Variants in RYR2 observed in about 807,000 individuals in gnomAD.
The protein encoded by RYR2 is cardiac muscle ryanodine receptor-calcium release channel.
RYR2 carries 227 observed loss-of-function variants against 601.1 expected under a neutral mutation model. That is an observed-to-expected ratio of 0.38 (90% CI 0.34 to 0.42). RYR2 has a LOEUF of 0.42. RYR2 is among the 10% of genes least tolerant of loss of function. The probability of loss-of-function intolerance (pLI) is 1.00; values close to 1 mark genes in which losing one functional copy is unlikely to be tolerated. For synonymous variants in RYR2, 2,223 were observed against 2,175.1 expected (o/e 1.02, Z -0.61); for missense variants, 4,646 against 6,156.5 (o/e 0.75, Z 8.21).
chr1:237,159,548 G>A (rs987037923), intron 1 of RYR2, among the ~76,000 whole-genome samples: 7 of 151,016 alleles, frequency 4.6e-5, no homozygotes, highest in Non-Finnish European at 7.4e-5. Context: ...AACTCAGGCC[G>A]GGCACAGATT....
At chr1:237,641,079 C>A in intron 47 of RYR2, 77 bp downstream of exon 47, 2 of 959,634 alleles carry the variant, frequency 2.1e-6, no homozygotes, top group Non-Finnish European at 1.5e-6. Flanking sequence ...AAGAGCATAA[C>A]AGCATCCAAA....
chr1:237,465,176 T>G (rs1478051040), intron 16 of RYR2, among the ~76,000 whole-genome samples: 27 of 152,078 alleles, frequency 1.8e-4, no homozygotes, highest in Admixed American at 1.8e-3. Context: ...TCATTAGAAA[T>G]GTATATATTT....
chr1:237,231,981 C>A (rs1363591425), intron 1 of RYR2, among the ~76,000 whole-genome samples: 4 of 152,158 alleles, frequency 2.6e-5, no homozygotes, highest in Admixed American at 2.6e-4. Flanking sequence ...CCACTACTGA[C>A]CCAGTATTCT....
intron 27 of RYR2, among the ~76,000 whole-genome samples, chr1:237,557,495 G>A (rs1671024622): frequency 6.6e-6 from 1 of 151,966 alleles, no homozygotes; most frequent in African/African-American, 2.4e-5. Flanking sequence ...AGCTTTGTAC[G>A]ACCAGATGTA....
intron 14 of RYR2, among the ~76,000 whole-genome samples, chr1:237,453,818 T>C (rs991157788): frequency 2.0e-5 from 3 of 152,150 alleles, no homozygotes; most frequent in African/African-American, 7.2e-5. Flanking sequence ...GGCTAGAAAA[T>C]ACTTCATGAT....
chr1:237,480,061 G>A (rs117628294), intron 17 of RYR2, among the ~76,000 whole-genome samples: 1,743 of 152,194 alleles, frequency 0.011, 26 homozygotes, highest in East Asian at 0.088. Flanking sequence ...TGTACTCAGC[G>A]ATGCATGAAT....
chr1:237,178,416 C>CTGTG (rs201867544), intron 1 of RYR2, among the ~76,000 whole-genome samples: 1,395 of 129,744 alleles, frequency 0.011, 6 homozygotes, highest in East Asian at 0.037. Context: ...AGTTAAGGCT[C>CTGTG]TGTGTGTGTG....
rs781218991 is a variant in RYR2 at position 237,784,563 on chromosome 1, T to C, written c.12851T>C (p.Phe4284Ser). 1 of 1,613,886 alleles carries C rather than the reference T, an allele frequency of 6.2e-7. No individual in the cohort carries two copies. The highest frequency in any genetic ancestry group is 1.1e-5 in the South Asian group (1 of 91,070). The change falls in exon 90 of 105, where the codon TTT becomes TCT. Residue 4284 changes from phenylalanine (F) to serine (S), a missense_variant. Transcript: ENST00000366574. This position sits in a 1 kb window ranked among gnomAD's most constrained non-coding sequence, Gnocchi z 7.1. Reference protein sequence around the residue: ...MTVKDMVTAFFSSYWSIFMTL... With the variant: ...MTVKDMVTAFSSSYWSIFMTL... ...GTGAAGGACATGGTCACGGCCTTCT[T>C]TTCATCCTACTGGAGTATTTTCATG...
At chr1:237,798,266 T>C in intron 97 of RYR2, 96 bp downstream of exon 97, 1 of 1,165,996 alleles carries the variant, frequency 8.6e-7, no homozygotes, top group Non-Finnish European at 1.2e-6. Context: ...TTTCCTTCAA[T>C]GTCAGAAGAA....
At chr1:237,331,011 G>A (rs1339494155) in intron 3 of RYR2, 29 bp downstream of exon 3, 6 of 1,530,044 alleles carry the variant, frequency 3.9e-6, no homozygotes, top group Non-Finnish European at 4.5e-6. Context: ...TAGACTTGTA[G>A]TATTTTAATG....
intron 92 of RYR2, 104 bp downstream of exon 92, chr1:237,788,239 A>G (rs1276430592): frequency 1.2e-6 from 1 of 836,398 alleles, no homozygotes; most frequent in Non-Finnish European, 1.9e-6. Flanking sequence ...CAGTTAGGGA[A>G]CCAGGTTAGT....
At chr1:237,276,721 T>G (rs879169442) in intron 2 of RYR2, among the ~76,000 whole-genome samples, 3 of 152,118 alleles carry the variant, frequency 2.0e-5, no homozygotes, top group Non-Finnish European at 4.4e-5. Context: ...CAAGTGAACT[T>G]TAAAATCTTC....
At chr1:237,356,651 G>A (rs906160091) in intron 4 of RYR2, among the ~76,000 whole-genome samples, 4 of 152,032 alleles carry the variant, frequency 2.6e-5, no homozygotes, top group African/African-American at 9.7e-5. Context: ...AGCCCACATT[G>A]TCACAAGTTG....
chr1:237,759,847 A>G lies in RYR2; in HGVS notation c.11397A>G (p.Ser3799=), dbSNP rs1573837527. 6.2e-7 allele frequency: 1 copy of G among 1,608,790 alleles called. No homozygotes were observed. Among genetic ancestry groups the G allele is most frequent in the African/African-American group, 1.3e-5 (1 of 74,794 alleles). ...FFQSLAGLMQ[S]CSVLDLNAFE... is the part of the protein sequence containing the mutation. Reference sequence around the variant, plus strand: ...AGAGCCTGGCCGGCCTGATGCAGTCATGTAGGTAAGGACTCACTTCCTTCT... The same window carrying G: ...AGAGCCTGGCCGGCCTGATGCAGTCGTGTAGGTAAGGACTCACTTCCTTCT... The change falls in exon 83 of 105, where the codon TCA becomes TCG. Residue 3799 remains serine, a synonymous_variant. Coordinates refer to ENST00000366574, the MANE Select transcript of RYR2 (RefSeq NM_001035.3).
intron 1 of RYR2, among the ~76,000 whole-genome samples, chr1:237,133,413 T>C (rs1270623875): frequency 3.9e-5 from 6 of 152,182 alleles, no homozygotes; most frequent in African/African-American, 1.4e-4. Flanking sequence ...GTAAATGATA[T>C]GTTTAGTCTC....
At chr1:237,276,265 A>G (rs538871343) in intron 2 of RYR2, among the ~76,000 whole-genome samples, 11 of 152,126 alleles carry the variant, frequency 7.2e-5, no homozygotes, top group African/African-American at 2.4e-4. Flanking sequence ...ATGCCTGGCT[A>G]ATTTTTGTAT....
chr1:237,738,377 C>A (rs1691324545), intron 79 of RYR2, among the ~76,000 whole-genome samples: 1 of 152,092 alleles, frequency 6.6e-6, no homozygotes, highest in South Asian at 2.1e-4. Context: ...TACCCATAAA[C>A]CCACTTCTGA....
At position 237,106,630 on chromosome 1, in the gene RYR2, A is replaced by G. The variant is rs1039166893; in HGVS notation, c.48+64061A>G. On this transcript the variant is annotated intron_variant, in intron 1 of 104. Coordinates refer to ENST00000366574, the MANE Select transcript of RYR2 (RefSeq NM_001035.3). The surrounding 1 kb of genome is among the most constrained non-coding windows in gnomAD (Gnocchi z 4.4). Reference sequence around the variant, plus strand: ...GAGAGAGGGCTGAAACTGTCCTTGAAAAAATGGATTTCTCAGTGTGATGTG... The same window carrying G: ...GAGAGAGGGCTGAAACTGTCCTTGAGAAAATGGATTTCTCAGTGTGATGTG... 6.6e-6 allele frequency among the ~76,000 whole-genome samples: 1 copy of G among 152,182 alleles called. No individual in the cohort carries two copies.
chr1:237,503,630 T>G, intron 22 of RYR2, 125 bp downstream of exon 22: 2 of 825,410 alleles, frequency 2.4e-6, no homozygotes, highest in Non-Finnish European at 3.9e-6. Context: ...AGTTGACATG[T>G]AGGACTGAAA....
Sources: allele counts gnomAD v4.1 joint callset (sites outside exome capture counted in the v4.1 genomes callset), GRCh38; gene constraint gnomAD v4.1.1; non-coding constraint Gnocchi (gnomAD v3.1); transcripts MANE v1.5; gene names NCBI Gene and HGNC (gene_info 2026-07-23, HGNC 2026-07-21).